The following HSP90AA1 variants were observed in gnomAD, a reference collection of about 807,000 sequenced individuals.
HSP90AA1 encodes the protein heat shock protein 90 alpha family class A member 1, also known as heat shock protein HSP 90-alpha.
A neutral mutation model predicts 73.3 loss-of-function variants in HSP90AA1; 18 were observed. The observed-to-expected ratio is 0.25, with a 90% CI of 0.17 to 0.36. HSP90AA1 has a LOEUF of 0.36. Ranked by LOEUF, HSP90AA1 falls within the 10% of genes least tolerant of loss-of-function variation. The probability of loss-of-function intolerance (pLI) is 1.00; values close to 1 mark genes in which losing one functional copy is unlikely to be tolerated. For missense variants in HSP90AA1, 704 were observed against 874.2 expected (o/e 0.81, Z 2.45); for synonymous variants, 477 against 296.9 (o/e 1.61, Z -6.24).
intron 1 of HSP90AA1, among the ~76,000 whole-genome samples, chr14:102,134,822 G>A (rs986364336): frequency 1.3e-5 from 2 of 152,182 alleles, no homozygotes; most frequent in Non-Finnish European, 2.9e-5. Flanking sequence ...GTGCGGAAGT[G>A]AACCCGAGCG....
chr14:102,101,639 TATG>T (rs1315563773), intron 2 of HSP90AA1, among the ~76,000 whole-genome samples: 4 of 152,212 alleles, frequency 2.6e-5, no homozygotes, highest in Non-Finnish European at 4.4e-5. Flanking sequence ...AGCCCTGTAT[TATG>T]ATGATTGTCA....
At chr14:102,081,851 A>G (rs1415004239) in intron 10 of HSP90AA1, 30 bp from the exon 11 acceptor site, 1 of 1,073,250 alleles carries the variant, frequency 9.3e-7, no homozygotes, top group Non-Finnish European at 1.5e-6. Context: ...CTCATATTAC[A>G]AAGATTTCTT....
chr14:102,083,224 A>G lies in HSP90AA1; in HGVS notation c.1565T>C (p.Ile522Thr), dbSNP rs535740846. The G allele has an allele frequency of 3.9e-5, 63 of 1,614,106 alleles. No individual in the cohort carries two copies. The South Asian group carries it at 6.8e-4, about 17-fold the overall frequency. ...GACACAGTACTCATCAATGGGCTCA[A>G]TCATATAGATCACTTCTAAGCCATG... ...RKHGLEVIYM[I>T]EPIDEYCVQQ... is the part of the protein sequence containing the mutation. The change falls in exon 9 of 11, where the codon ATT (isoleucine) becomes ACT (threonine). Residue 522 changes from isoleucine to threonine, a missense_variant. Transcript: ENST00000216281.
At chr14:102,125,284 G>A (rs1266869291) in intron 1 of HSP90AA1, among the ~76,000 whole-genome samples, 1 of 152,198 alleles carries the variant, frequency 6.6e-6, no homozygotes, top group Non-Finnish European at 1.5e-5. Context: ...ATGAGCCACT[G>A]TGCCCAACCT....
At chr14:102,114,761 A>G (rs1183108347) in intron 1 of HSP90AA1, among the ~76,000 whole-genome samples, 3 of 152,038 alleles carry the variant, frequency 2.0e-5, no homozygotes, top group African/African-American at 7.2e-5. Flanking sequence ...GCACTTTGGG[A>G]GGCTGAGGCG....
At chr14:102,088,898 T>A (rs1482018098), upstream of HSP90AA1, among the ~76,000 whole-genome samples, 1 of 55,010 alleles carries the variant, frequency 1.8e-5, no homozygotes, top group Non-Finnish European at 6.4e-5. Flanking sequence ...ACGTTCTTTT[T>A]TTTCTTTTCT....
At chr14:102,089,640 C>T (rs1566723890), upstream of HSP90AA1, among the ~76,000 whole-genome samples, 1 of 152,106 alleles carries the variant, frequency 6.6e-6, no homozygotes, top group African/African-American at 2.4e-5. Flanking sequence ...AGATGACTCA[C>T]GGAAGAGCCC....
At position 102,085,048 on chromosome 14, in the gene HSP90AA1, C is replaced by A. The variant is rs769099127; in HGVS notation, c.664-50G>T. On this transcript the variant is annotated intron_variant, in intron 4 of 10. Coordinates refer to ENST00000216281, the MANE Select transcript of HSP90AA1 (RefSeq NM_005348.4). ...ATCACTGCTGCACTCCAGAACTAAGCGACAGCGCTGCACCACTATTTTCAA... is the reference window on the plus strand; with the variant it reads ...ATCACTGCTGCACTCCAGAACTAAGAGACAGCGCTGCACCACTATTTTCAA... 9.9e-5 allele frequency: 160 copies of A among 1,613,670 alleles called. 1 individual carries two copies. The East Asian group carries it at 3.5e-3, about 35-fold the overall frequency.
intron 1 of HSP90AA1, among the ~76,000 whole-genome samples, chr14:102,121,424 T>C (rs1380863984): frequency 2.0e-5 from 3 of 152,240 alleles, no homozygotes; most frequent in Non-Finnish European, 4.4e-5. Context: ...GGTAAATTCC[T>C]AGAACTTGAG....
rs761676103 is a variant in HSP90AA1, at chr14:102,083,271, G to A, written c.1518C>T (p.Ala506=). The A allele has an allele frequency of 1.9e-5, 30 of 1,614,002 alleles. No homozygotes were observed. In the South Asian group the frequency reaches 2.5e-4, roughly 14 times the overall value. ...CATGTTTCCGAAGACGTTCCACAAA[G>A]GCTGAGTTAGCTACCTGGTCCTTGG... ...GETKDQVANS[A]FVERLRKHGL... Residue 506 remains alanine (A), a synonymous_variant, in exon 9 of 11, where the codon GCC becomes GCT. Coordinates refer to ENST00000216281, the MANE Select transcript of HSP90AA1 (RefSeq NM_005348.4).
upstream of HSP90AA1, among the ~76,000 whole-genome samples, chr14:102,087,398 G>C (rs1484197926): frequency 6.6e-6 from 1 of 151,650 alleles, no homozygotes; most frequent in Non-Finnish European, 1.5e-5. Flanking sequence ...CCGCGGGCGG[G>C]CGGAGGGCAC....
At chr14:102,093,978 AAAG>A (rs1331306449) in intron 2 of HSP90AA1, among the ~76,000 whole-genome samples, 1 of 91,610 alleles carries the variant, frequency 1.1e-5, no homozygotes, top group Non-Finnish European at 2.2e-5. Context: ...AAAAAAGAAA[AAAG>A]AAGGAAGGTG....
At chr14:102,086,544 C>G (rs1480895234) in intron 1 of HSP90AA1, among the ~76,000 whole-genome samples, 166 bp from the exon 2 acceptor site, 1 of 152,152 alleles carries the variant, frequency 6.6e-6, no homozygotes, top group Non-Finnish European at 1.5e-5. Context: ...CATTTCGGAG[C>G]GCGGCAACTA....
rs764012202 is a variant in HSP90AA1 at position 102,085,359 on chromosome 14, C to A, written c.602G>T (p.Arg201Leu). 1 of 1,612,804 alleles carries A rather than the reference C, an allele frequency of 6.2e-7. No homozygotes were observed. The highest frequency in any genetic ancestry group is 2.2e-5 in the East Asian group (1 of 44,880). ...KEDQTEYLEE[R>L]RIKEIVKKHS... Reference sequence around the variant, plus strand: ...TTTCTTCACAATCTCCTTTATTCTTCGTTCCTCCAAGTACTCAGTTTGGTC... The same window carrying A: ...TTTCTTCACAATCTCCTTTATTCTTAGTTCCTCCAAGTACTCAGTTTGGTC... Residue 201 changes from arginine (R) to leucine (L), a missense_variant, in exon 4 of 11, where the codon CGA (arginine) becomes CTA (leucine). Arg to Leu is a moderately radical substitution (Grantham distance 102). Coordinates refer to ENST00000216281, the MANE Select transcript of HSP90AA1 (RefSeq NM_005348.4).
chr14:102,120,596 G>C (rs1170069256), intron 1 of HSP90AA1, among the ~76,000 whole-genome samples: 1 of 152,094 alleles, frequency 6.6e-6, no homozygotes, highest in Non-Finnish European at 1.5e-5. Context: ...AATGAAGTCA[G>C]TTCTCAAACT....
chr14:102,089,009 C>T (rs1566723620), upstream of HSP90AA1, among the ~76,000 whole-genome samples: 1 of 151,934 alleles, frequency 6.6e-6, no homozygotes, highest in Non-Finnish European at 1.5e-5. Flanking sequence ...CAACCTCTAC[C>T]TCCTGGGTTC....
At chr14:102,108,986 T>A (rs1435403558) in intron 1 of HSP90AA1, among the ~76,000 whole-genome samples, 2 of 152,200 alleles carry the variant, frequency 1.3e-5, no homozygotes, top group Non-Finnish European at 2.9e-5. Context: ...CAGCTGAATT[T>A]TTTAACTTTT....
At chr14:102,096,154 C>T (rs1467244479) in intron 2 of HSP90AA1, among the ~76,000 whole-genome samples, 1 of 152,208 alleles carries the variant, frequency 6.6e-6, no homozygotes. Flanking sequence ...AATGGGGCAC[C>T]ATGGTCAGAC....
At chr14:102,084,588 G>A (rs768178266) in intron 5 of HSP90AA1, 24 bp from the exon 6 acceptor site, 26 of 1,614,002 alleles carry the variant, frequency 1.6e-5, no homozygotes, top group Non-Finnish European at 1.9e-5. Flanking sequence ...GATACACTAA[G>A]TACCAATGAA....
Sources: allele counts gnomAD v4.1 joint callset (sites outside exome capture counted in the v4.1 genomes callset), GRCh38; gene constraint gnomAD v4.1.1; transcripts MANE v1.5; gene names NCBI Gene and HGNC (gene_info 2026-07-23, HGNC 2026-07-21).